Variants in CCSER1 observed in about 807,000 individuals in gnomAD.
The protein encoded by CCSER1 is serine-rich coiled-coil domain-containing protein 1.
In CCSER1, 41 loss-of-function variants were observed where a neutral mutation model predicts 82.0. That is an observed-to-expected ratio of 0.50 (90% confidence interval 0.39 to 0.65). The LOEUF is 0.65. CCSER1 is among the 30% of genes least tolerant of loss of function. The pLI is 0.00. For synonymous variants in CCSER1, 414 were observed against 383.9 expected, an observed-to-expected ratio of 1.08 and a Z score of -0.92; for missense variants, 1,119 against 1,064.2, an observed-to-expected ratio of 1.05 and a Z score of -0.72.
intron 1 of CCSER1, among the ~76,000 whole-genome samples, chr4:90,298,050 A>G (rs1188233187): frequency 1.3e-5 from 2 of 152,152 alleles, no homozygotes; most frequent in African/African-American, 2.4e-5. Context: ...ATTGATTGGA[A>G]TAGTTTCAGG....
At chr4:91,284,748 A>G (rs1743149056) in intron 10 of CCSER1, among the ~76,000 whole-genome samples, 1 of 152,120 alleles carries the variant, frequency 6.6e-6, no homozygotes, top group African/African-American at 2.4e-5. Context: ...CTAGCAATAA[A>G]TGCCAAGTAA....
intron 1 of CCSER1, among the ~76,000 whole-genome samples, chr4:90,233,717 T>TA (rs199884858): frequency 2.4e-3 from 295 of 125,382 alleles, no homozygotes; most frequent in Middle Eastern, 4.3e-3. Context: ...GAAGTGGCCA[T>TA]AAAAAAAAAA....
intron 10 of CCSER1, among the ~76,000 whole-genome samples, chr4:91,166,488 G>T (rs1732089737): frequency 6.6e-6 from 1 of 152,166 alleles, no homozygotes; most frequent in Non-Finnish European, 1.5e-5. Flanking sequence ...TGGGCCATGA[G>T]TAAATAAGTA....
chr4:90,297,277 T>A (rs944949865), intron 1 of CCSER1, among the ~76,000 whole-genome samples: 1 of 148,986 alleles, frequency 6.7e-6, no homozygotes, highest in Non-Finnish European at 1.5e-5. Flanking sequence ...AGTTCACTCA[T>A]GATTTGGCTC....
intron 10 of CCSER1, among the ~76,000 whole-genome samples, chr4:91,371,916 C>T (rs938964130): frequency 3.9e-5 from 6 of 152,072 alleles, no homozygotes; most frequent in African/African-American, 1.4e-4. Flanking sequence ...ACACAGGGGG[C>T]ATAATAAGAT....
intron 10 of CCSER1, among the ~76,000 whole-genome samples, chr4:91,093,524 A>C (rs1724188896): frequency 6.6e-6 from 1 of 152,308 alleles, no homozygotes; most frequent in South Asian, 2.1e-4. Flanking sequence ...CTTTATACTT[A>C]AGTTTTGCCC....
chr4:91,072,148 C>T (rs1298964181), intron 9 of CCSER1, among the ~76,000 whole-genome samples: 1 of 152,094 alleles, frequency 6.6e-6, no homozygotes, highest in Non-Finnish European at 1.5e-5. Context: ...TTAACTTATG[C>T]AATGTACCAA....
At chr4:91,175,442 G>A (rs1733232321) in intron 10 of CCSER1, among the ~76,000 whole-genome samples, 1 of 152,154 alleles carries the variant, frequency 6.6e-6, no homozygotes, top group Admixed American at 6.5e-5. Context: ...CCCACCAACA[G>A]TGCAAAAGTG....
chr4:91,041,909 A>G (rs998186016), intron 9 of CCSER1, among the ~76,000 whole-genome samples: 1 of 152,204 alleles, frequency 6.6e-6, no homozygotes, highest in Non-Finnish European at 1.5e-5. Flanking sequence ...ACTGATCGCA[A>G]TGTCACATCT....
intron 5 of CCSER1, among the ~76,000 whole-genome samples, chr4:90,559,004 CT>C (rs1437873511): frequency 6.6e-6 from 1 of 152,114 alleles, no homozygotes; most frequent in African/African-American, 2.4e-5. Flanking sequence ...ATTTTATAGG[CT>C]ACTTGGTGTC....
chr4:91,062,164 A>G (rs529699862), intron 9 of CCSER1, among the ~76,000 whole-genome samples: 38 of 152,176 alleles, frequency 2.5e-4, no homozygotes, highest in Non-Finnish European at 4.7e-4. Flanking sequence ...CAGTTAGCAG[A>G]AAGTTTAGTA....
At chr4:90,460,195 C>G (rs978822636) in intron 4 of CCSER1, among the ~76,000 whole-genome samples, 5 of 147,390 alleles carry the variant, frequency 3.4e-5, no homozygotes, top group Non-Finnish European at 3.0e-5. Flanking sequence ...CATGGTGGCG[C>G]GTGCCTGTAG....
chr4:91,464,937 AC>A (rs911137098), intron 10 of CCSER1, among the ~76,000 whole-genome samples: 2 of 152,204 alleles, frequency 1.3e-5, no homozygotes, highest in African/African-American at 4.8e-5. Context: ...TCAGTATTAG[AC>A]AGATCAATGA....
intron 4 of CCSER1, among the ~76,000 whole-genome samples, chr4:90,411,355 C>CACTGATGCAAAAATCCT (rs1275613857): frequency 6.6e-6 from 1 of 152,182 alleles, no homozygotes; most frequent in Non-Finnish European, 1.5e-5. Flanking sequence ...CCCTGATGAA[C>CACTGATGCAAAAATCCT]ACTGATGCAA....
chr4:90,536,271 T>C (rs907154943), intron 5 of CCSER1, among the ~76,000 whole-genome samples: 1 of 152,094 alleles, frequency 6.6e-6, no homozygotes, highest in Non-Finnish European at 1.5e-5. Context: ...TGACCTCAGG[T>C]GATGCGCCCG....
chr4:91,023,890 G>A (rs559397440), intron 9 of CCSER1, among the ~76,000 whole-genome samples: 1 of 152,256 alleles, frequency 6.6e-6, no homozygotes. Context: ...TATTTTCTTA[G>A]CTATCTTTCT....
At chr4:90,751,925 ATATATT>A (rs1460672410) in intron 7 of CCSER1, among the ~76,000 whole-genome samples, 1 of 152,066 alleles carries the variant, frequency 6.6e-6, no homozygotes, top group Non-Finnish European at 1.5e-5. Context: ...AAAATTTCTA[ATATATT>A]TAGGTATAAT....
At chr4:91,248,848 T>C (rs550637122) in intron 10 of CCSER1, among the ~76,000 whole-genome samples, 1 of 152,314 alleles carries the variant, frequency 6.6e-6, no homozygotes, top group Admixed American at 6.5e-5. Flanking sequence ...GGAACTGGTA[T>C]GCATGGGGAT....
intron 7 of CCSER1, among the ~76,000 whole-genome samples, chr4:90,739,440 T>C (rs1746175867): frequency 6.6e-6 from 1 of 151,942 alleles, no homozygotes; most frequent in Non-Finnish European, 1.5e-5. Context: ...GGGGGAGGGG[T>C]GATGCAGAAA....
Sources: allele counts gnomAD v4.1 joint callset (sites outside exome capture counted in the v4.1 genomes callset), GRCh38; gene constraint gnomAD v4.1.1; transcripts MANE v1.5; gene names NCBI Gene and HGNC (gene_info 2026-07-23, HGNC 2026-07-21).